MOB3A: variants seen among roughly 807,000 people sequenced by gnomAD.
The protein encoded by MOB3A is MOB kinase activator 3A, also known as MOB LAK.
In MOB3A, 17 loss-of-function variants were observed where a neutral mutation model predicts 17.8. The observed-to-expected ratio is 0.95, with a 90% confidence interval of 0.65 to 1.43. The LOEUF (loss-of-function observed/expected upper bound fraction) is 1.43, where lower values mean the gene tolerates loss of function less well. Among genes scored for constraint, MOB3A ranks in the 40% most tolerant of loss-of-function variants. The probability of loss-of-function intolerance (pLI) is 0.00; values close to 1 mark genes in which losing one functional copy is unlikely to be tolerated. For synonymous variants in MOB3A, 124 were observed against 133.2 expected, an observed-to-expected ratio of 0.93 and a Z score of 0.48; for missense variants, 333 against 310.8, an observed-to-expected ratio of 1.07 and a Z score of -0.54.
chr19:2,076,569 G>A (rs1420592970), intron 4 of MOB3A, among the ~76,000 whole-genome samples: 1 of 152,236 alleles, frequency 6.6e-6, no homozygotes, highest in African/African-American at 2.4e-5. Context: ...TGAGCTGGAC[G>A]CGGGGCGGCG....
At position 2,083,867 on chromosome 19, in the gene MOB3A, A is replaced by G. The variant is rs555188364; in HGVS notation, c.-120+1308T>C. Among the ~76,000 whole-genome samples, 4 of 152,254 alleles carry G rather than the reference A, an allele frequency of 2.6e-5. No homozygotes were observed. In the South Asian group the frequency reaches 8.3e-4, roughly 32 times the overall value. ...TTGCAGCCCTGGGCTGACTGCAGCC[A>G]TGGGAGGAGACCCCCTACCTGGGCT... is the stretch of plus-strand genomic sequence containing the variant. On this transcript the variant is annotated intron_variant, in intron 2 of 4. Transcript: ENST00000357066.
Position 2,078,444 on chromosome 19 carries a change from C to T in MOB3A, c.117G>A (p.Leu39=). ...FELHKKAQAS[L]NAGLDLRLAV... ...CCAGCCGCAGGTCCAGCCCGGCGTTCAGCGACGCCTGCGCCTTCTTGTGCA... is the reference window on the plus strand; with the variant it reads ...CCAGCCGCAGGTCCAGCCCGGCGTTTAGCGACGCCTGCGCCTTCTTGTGCA... Residue 39 remains leucine (L), a synonymous_variant, in exon 3 of 5, where the codon CTG becomes CTA. Transcript: ENST00000357066. 6.2e-7 allele frequency: 1 copy of T among 1,613,712 alleles called. No homozygotes were observed.
intron 1 of MOB3A, chr19:2,090,227 G>A (rs1430421145): frequency 1.3e-5 from 2 of 152,294 alleles, no homozygotes; most frequent in South Asian, 2.1e-4. Context: ...CCCCACCCAG[G>A]TGTCCCAGCT....
rs749697378 is a variant in MOB3A, at chr19:2,078,441, G to T, written c.120C>A (p.Asn40Lys). 12 of 1,613,606 alleles carry T rather than the reference G, an allele frequency of 7.4e-6. No individual in the cohort carries two copies. Among genetic ancestry groups the T allele is most frequent in the Non-Finnish European group, 1.0e-5 (12 of 1,179,766 alleles). Residue 40 changes from asparagine (N) to lysine (K), a missense_variant, in exon 3 of 5, where the codon AAC becomes AAA. Physicochemically the swap from Asn to Lys is moderately conservative, Grantham distance 94. Transcript: ENST00000357066. Reference protein sequence around the residue: ...ELHKKAQASLNAGLDLRLAVQ... With the variant: ...ELHKKAQASLKAGLDLRLAVQ... ...CGGCCAGCCGCAGGTCCAGCCCGGC[G>T]TTCAGCGACGCCTGCGCCTTCTTGT...
intron 1 of MOB3A, among the ~76,000 whole-genome samples, chr19:2,088,253 G>A (rs1237454385): frequency 6.6e-6 from 1 of 152,202 alleles, no homozygotes; most frequent in South Asian, 2.1e-4. Context: ...TGCCGAGGGG[G>A]ACAAAGCTTG....
chr19:2,081,348 G>A (rs541597008), intron 2 of MOB3A, among the ~76,000 whole-genome samples: 1 of 152,198 alleles, frequency 6.6e-6, no homozygotes, highest in African/African-American at 2.4e-5. Context: ...GGCACTTTGG[G>A]AGGCCGAGGC....
chr19:2,089,630 G>A (rs1459615544), intron 1 of MOB3A, among the ~76,000 whole-genome samples: 2 of 152,084 alleles, frequency 1.3e-5, no homozygotes, highest in African/African-American at 4.8e-5. Context: ...CTGCTCTGCT[G>A]AGGTCCCAGG....
intron 1 of MOB3A, among the ~76,000 whole-genome samples, chr19:2,086,206 A>G (rs1178518420): frequency 6.6e-6 from 1 of 151,038 alleles, no homozygotes; most frequent in Non-Finnish European, 1.5e-5. Context: ...ACGCCCGACT[A>G]ATTTTGTATT....
chr19:2,082,151 C>G lies in MOB3A; in HGVS notation c.-120+3024G>C, dbSNP rs2017497572. 6.6e-6 allele frequency among the ~76,000 whole-genome samples: 1 copy of G among 152,244 alleles called. No individual in the cohort carries two copies. The highest frequency in any genetic ancestry group is 1.5e-5 in the Non-Finnish European group (1 of 68,046). ...CACTTCCTGCCACCAGGGTTAACAC[C>G]CAACTAGGAACTTGAACTTTTCATC... On this transcript the variant is annotated intron_variant, in intron 2 of 4. Transcript: ENST00000357066. The surrounding 1 kb of genome is among the most constrained non-coding windows in gnomAD (Gnocchi z 4.1).
At chr19:2,086,999 C>T (rs1599410213) in intron 1 of MOB3A, among the ~76,000 whole-genome samples, 1 of 152,090 alleles carries the variant, frequency 6.6e-6, no homozygotes, top group African/African-American at 2.4e-5. Flanking sequence ...CTATGTTGTC[C>T]AGGCTGGTCT....
At chr19:2,086,544 G>A (rs1322464040) in intron 1 of MOB3A, among the ~76,000 whole-genome samples, 1 of 150,610 alleles carries the variant, frequency 6.6e-6, no homozygotes, top group Non-Finnish European at 1.5e-5. Flanking sequence ...ATTTTTAGGA[G>A]AAACTGTTCC....
Position 2,073,199 on chromosome 19 carries a change from T to G in MOB3A, c.*196A>C. The stretch of plus-strand genomic sequence containing the variant: ...CACGTTTTAGTCCCAGACGGGAGAC[T>G]GAGGCTCGAGACTGAGGAAGGCATC... On this transcript the variant is annotated 3_prime_UTR_variant, in exon 5 of 5. Transcript: ENST00000357066. The G allele has an allele frequency of 3.0e-6, 2 of 662,836 alleles. No individual in the cohort carries two copies. Among genetic ancestry groups the G allele is most frequent in the Non-Finnish European group, 5.4e-6 (2 of 373,474 alleles). 41.1% of individuals were successfully genotyped at this position (662,836 alleles called of 1,614,324 possible).
At chr19:2,080,896 T>C (rs1322887526) in intron 2 of MOB3A, among the ~76,000 whole-genome samples, 9 of 152,138 alleles carry the variant, frequency 5.9e-5, no homozygotes, top group African/African-American at 2.2e-4. Flanking sequence ...CTGTAAGTAC[T>C]TTGAGAGGGT....
chr19:2,074,865 G>A (rs182335143), intron 4 of MOB3A, among the ~76,000 whole-genome samples: 1 of 152,010 alleles, frequency 6.6e-6, no homozygotes, highest in East Asian at 1.9e-4. Context: ...TTACAGGCGC[G>A]TGCCACCATG....
intron 4 of MOB3A, among the ~76,000 whole-genome samples, chr19:2,075,685 A>G (rs367614057): frequency 8.6e-5 from 13 of 152,010 alleles, no homozygotes; most frequent in East Asian, 7.8e-4. Flanking sequence ...GTGGGCCCCA[A>G]TTTCAAGAAG....
chr19:2,084,867 G>T (rs1229630530), intron 2 of MOB3A, among the ~76,000 whole-genome samples: 2 of 151,686 alleles, frequency 1.3e-5, no homozygotes, highest in Non-Finnish European at 2.9e-5. Flanking sequence ...GGGATTACAG[G>T]CGTGAGCCAC....
rs77652020 is a variant in MOB3A at position 2,093,181 on chromosome 19, G to A, written c.-274+3045C>T. 0.11 allele frequency among the ~76,000 whole-genome samples: 16,464 copies of A among 151,140 alleles called. 1,125 individuals are homozygous for A. The highest frequency in any genetic ancestry group is 0.19 in the African/African-American group (7,981 of 41,116). On this transcript the variant is annotated intron_variant, in intron 1 of 4. Coordinates refer to ENST00000357066, the MANE Select transcript of MOB3A (RefSeq NM_130807.3). The surrounding 1 kb of genome is among the most constrained non-coding windows in gnomAD (Gnocchi z 4.6). ...AGGGAATTTTTTTTTTTTTCGAGAC[G>A]TTGTCTTACTCTGTTGCCCAGGCTG...
chr19:2,086,602 C>T, intron 1 of MOB3A, among the ~76,000 whole-genome samples: 1 of 151,988 alleles, frequency 6.6e-6, no homozygotes, highest in Non-Finnish European at 1.5e-5. Context: ...AGGTGATCTG[C>T]CCACCTCGGC....
chr19:2,077,739 G>C (rs1444805545), intron 3 of MOB3A, among the ~76,000 whole-genome samples: 1 of 152,120 alleles, frequency 6.6e-6, no homozygotes, highest in Non-Finnish European at 1.5e-5. Flanking sequence ...AGGATGAAGG[G>C]GGGCTACTAA....
Sources: gnomAD v4.1 joint callset for allele counts (sites outside exome capture counted in the v4.1 genomes callset) on GRCh38, gnomAD v4.1.1 for gene constraint, Gnocchi (gnomAD v3.1) non-coding constraint, MANE v1.5 for transcripts, NCBI Gene and HGNC (gene_info 2026-07-23, HGNC 2026-07-21) for gene names.